Variants in TLL1 observed in about 807,000 individuals in gnomAD.
The protein encoded by TLL1 is tolloid like 1.
A neutral mutation model predicts 128.2 loss-of-function variants in TLL1; 49 were observed. The observed-to-expected ratio is 0.38, with a 90% CI of 0.30 to 0.48. The LOEUF (loss-of-function observed/expected upper bound fraction) is 0.48, where lower values mean the gene tolerates loss of function less well. Among genes scored for constraint, TLL1 ranks in the 20% least tolerant of loss-of-function variants. TLL1 has a pLI of 0.96. For missense variants in TLL1, 1,123 were observed against 1,242.0 expected, an observed-to-expected ratio of 0.90 and a Z score of 1.44; for synonymous variants, 454 against 418.8, an observed-to-expected ratio of 1.08 and a Z score of -1.03.
At chr4:166,045,927 C>T (rs1287829181) in intron 12 of TLL1, among the ~76,000 whole-genome samples, 1 of 152,174 alleles carries the variant, frequency 6.6e-6, no homozygotes, top group Non-Finnish European at 1.5e-5. Flanking sequence ...CTACAATTAC[C>T]TCTAAATCAT....
chr4:165,901,403 T>A (rs1433315492), intron 1 of TLL1, among the ~76,000 whole-genome samples: 1 of 152,186 alleles, frequency 6.6e-6, no homozygotes, highest in East Asian at 1.9e-4. Context: ...TCTTTGATGT[T>A]GGTGACCTTC....
intron 1 of TLL1, among the ~76,000 whole-genome samples, chr4:165,897,634 T>C (rs1167121997): frequency 6.6e-6 from 1 of 150,438 alleles, no homozygotes; most frequent in South Asian, 2.1e-4. Flanking sequence ...TGTAGCCTTA[T>C]AGTATAGTTT....
chr4:166,068,467 A>G (rs901852833), intron 16 of TLL1, among the ~76,000 whole-genome samples: 2 of 151,912 alleles, frequency 1.3e-5, no homozygotes, highest in African/African-American at 4.8e-5. Context: ...ATTATTATAA[A>G]GTAGGTATGT....
chr4:166,062,261 A>G (rs1429311014), intron 15 of TLL1, among the ~76,000 whole-genome samples: 1 of 152,150 alleles, frequency 6.6e-6, no homozygotes, highest in East Asian at 1.9e-4. Flanking sequence ...GAAGAAAGTC[A>G]TTGGTAGCTT....
intron 6 of TLL1, 150 bp downstream of exon 6, chr4:166,003,719 T>A (rs531876908): frequency 1.2e-6 from 1 of 804,312 alleles, no homozygotes; most frequent in Admixed American, 2.4e-5. Context: ...TCACCCATGA[T>A]GATTTTATAT....
chr4:165,944,668 G>T (rs1464340163), intron 1 of TLL1, among the ~76,000 whole-genome samples: 1 of 152,116 alleles, frequency 6.6e-6, no homozygotes, highest in Non-Finnish European at 1.5e-5. Context: ...AATGAAACCA[G>T]GAGAAACCCA....
chr4:166,056,643 A>G (rs1740020050), intron 13 of TLL1, among the ~76,000 whole-genome samples: 1 of 152,194 alleles, frequency 6.6e-6, no homozygotes, highest in Admixed American at 6.6e-5. Context: ...GCTATAATGT[A>G]AAATTAGCAT....
At chr4:165,901,320 C>T (rs556848771) in intron 1 of TLL1, among the ~76,000 whole-genome samples, 1 of 152,026 alleles carries the variant, frequency 6.6e-6, no homozygotes, top group Non-Finnish European at 1.5e-5. Flanking sequence ...GGAGAAGAGA[C>T]GTTCTTGTTT....
At chr4:165,970,711 A>T (rs945933514) in intron 1 of TLL1, among the ~76,000 whole-genome samples, 3 of 152,240 alleles carry the variant, frequency 2.0e-5, no homozygotes, top group Non-Finnish European at 1.5e-5. Context: ...ATGATTCTAA[A>T]GTCCTTCCAC....
intron 1 of TLL1, among the ~76,000 whole-genome samples, chr4:165,893,953 T>C (rs552824044): frequency 6.6e-6 from 1 of 152,292 alleles, no homozygotes; most frequent in East Asian, 1.9e-4. Flanking sequence ...TGAAATTCAA[T>C]CATTGTTGTC....
chr4:165,926,905 A>C (rs1416411294), intron 1 of TLL1, among the ~76,000 whole-genome samples: 1 of 152,224 alleles, frequency 6.6e-6, no homozygotes, highest in African/African-American at 2.4e-5. Flanking sequence ...CTAGATGGAT[A>C]AAATATACTA....
At chr4:166,000,677 AGC>A (rs1272528270) in intron 5 of TLL1, among the ~76,000 whole-genome samples, 12 of 152,212 alleles carry the variant, frequency 7.9e-5, no homozygotes, top group Non-Finnish European at 1.6e-4. Flanking sequence ...GACTTAAGGT[AGC>A]AAATATTTTA....
intron 1 of TLL1, among the ~76,000 whole-genome samples, chr4:165,896,491 T>A (rs1484806872): frequency 6.7e-6 from 1 of 149,204 alleles, no homozygotes; most frequent in Non-Finnish European, 1.5e-5. Flanking sequence ...TTTTTTTTTT[T>A]TTTTTTTTTC....
intron 1 of TLL1, among the ~76,000 whole-genome samples, chr4:165,933,609 TAGAG>T (rs1186469838): frequency 6.6e-6 from 1 of 152,120 alleles, no homozygotes; most frequent in Non-Finnish European, 1.5e-5. Context: ...GCACAGGACT[TAGAG>T]AAGTATCCCA....
At chr4:166,010,712 A>G (rs537235565) in intron 7 of TLL1, among the ~76,000 whole-genome samples, 2 of 151,246 alleles carry the variant, frequency 1.3e-5, no homozygotes, top group Admixed American at 6.6e-5. Context: ...TATCCAAGAA[A>G]TCCTGGTCAC....
At chr4:165,945,077 A>G (rs575842628) in intron 1 of TLL1, among the ~76,000 whole-genome samples, 1 of 152,142 alleles carries the variant, frequency 6.6e-6, no homozygotes, top group Non-Finnish European at 1.5e-5. Context: ...ACATTTAGGA[A>G]ATAGAATTTT....
intron 1 of TLL1, among the ~76,000 whole-genome samples, chr4:165,877,584 A>G (rs1368721553): frequency 6.6e-6 from 1 of 152,210 alleles, no homozygotes; most frequent in African/African-American, 2.4e-5. Flanking sequence ...GAGTATTAAT[A>G]TCTGTGAGGA....
chr4:165,926,915 A>G (rs1733296608), intron 1 of TLL1, among the ~76,000 whole-genome samples: 1 of 152,208 alleles, frequency 6.6e-6, no homozygotes, highest in Non-Finnish European at 1.5e-5. Context: ...AAAATATACT[A>G]GGTTAATGTT....
At chr4:166,037,183 G>C (rs1739044760) in intron 9 of TLL1, among the ~76,000 whole-genome samples, 1 of 152,122 alleles carries the variant, frequency 6.6e-6, no homozygotes, top group Non-Finnish European at 1.5e-5. Context: ...TCTCCATGTG[G>C]AGCAGACTTA....
Sources: gnomAD v4.1 joint callset for allele counts (sites outside exome capture counted in the v4.1 genomes callset) on GRCh38, gnomAD v4.1.1 for gene constraint, MANE v1.5 for transcripts, NCBI Gene and HGNC (gene_info 2026-07-23, HGNC 2026-07-21) for gene names.